Variants in DNAJC11 observed in about 807,000 individuals in gnomAD.
DNAJC11 encodes the protein DnaJ heat shock protein family (Hsp40) member C11, also known as dnaJ homolog subfamily C member 11.
In DNAJC11, 15 loss-of-function variants were observed where a neutral mutation model predicts 78.6. The ratio of observed to expected loss-of-function variants is 0.19; its 90% CI spans 0.13 to 0.29. The LOEUF is 0.29. DNAJC11 is among the 10% of genes least tolerant of loss of function. The probability of loss-of-function intolerance (pLI) is 1.00; values close to 1 mark genes in which losing one functional copy is unlikely to be tolerated. For missense variants in DNAJC11, 547 were observed against 709.6 expected, an observed-to-expected ratio of 0.77 and a Z score of 2.60; for synonymous variants, 292 against 272.1, an observed-to-expected ratio of 1.07 and a Z score of -0.72.
At chr1:6,665,876 C>G (rs1642286347) in intron 4 of DNAJC11, among the ~76,000 whole-genome samples, 1 of 152,204 alleles carries the variant, frequency 6.6e-6, no homozygotes, top group Non-Finnish European at 1.5e-5. Flanking sequence ...CCACCTCCAT[C>G]TGCCAATACC....
chr1:6,644,045 T>C lies in DNAJC11; in HGVS notation c.1097+513A>G, dbSNP rs572665183. On this transcript the variant is annotated intron_variant, in intron 10 of 15. Coordinates refer to ENST00000377577, the MANE Select transcript of DNAJC11 (RefSeq NM_018198.4). ...GCCACCACCCCTGGCTAATTTTTTG[T>C]ATTTTTAGTAGAGATGGGGTTTCAC... 2.0e-5 allele frequency among the ~76,000 whole-genome samples: 3 copies of C among 151,944 alleles called. No individual in the cohort carries two copies. The East Asian group carries it at 5.8e-4, about 30-fold the overall frequency.
At chr1:6,649,281 T>C (rs995638084) in intron 7 of DNAJC11, among the ~76,000 whole-genome samples, 1 of 151,782 alleles carries the variant, frequency 6.6e-6, no homozygotes, top group Non-Finnish European at 1.5e-5. Flanking sequence ...GCCATTCTCC[T>C]GCCTCAGCCT....
intron 1 of DNAJC11, among the ~76,000 whole-genome samples, chr1:6,697,939 C>G (rs189416847): frequency 1.6e-3 from 247 of 152,138 alleles, no homozygotes; most frequent in African/African-American, 5.7e-3. Context: ...TACAGGCGCC[C>G]GCCACCACGC....
At chr1:6,636,475 T>C (rs1641770905) in intron 14 of DNAJC11, among the ~76,000 whole-genome samples, 1 of 152,178 alleles carries the variant, frequency 6.6e-6, no homozygotes, top group Non-Finnish European at 1.5e-5. Flanking sequence ...ACTTCTAGGG[T>C]GCCAGGAACT....
At chr1:6,675,604 G>A (rs72866120) in intron 3 of DNAJC11, among the ~76,000 whole-genome samples, 1 of 152,152 alleles carries the variant, frequency 6.6e-6, no homozygotes, top group African/African-American at 2.4e-5. Flanking sequence ...TTTATCGCTT[G>A]TAGAGATGCG....
intron 1 of DNAJC11, among the ~76,000 whole-genome samples, chr1:6,699,621 A>T (rs192673844): frequency 3.9e-5 from 6 of 152,334 alleles, no homozygotes; most frequent in East Asian, 1.9e-4. Context: ...AAGAGACTTA[A>T]GGCTAAATAA....
chr1:6,688,555 A>C (rs1019767750), intron 1 of DNAJC11, among the ~76,000 whole-genome samples: 12 of 152,302 alleles, frequency 7.9e-5, no homozygotes, highest in African/African-American at 1.4e-4. Context: ...CCCACCCCCC[A>C]AAAAAACTCC....
rs112809276 is a variant in DNAJC11 at position 6,637,789 on chromosome 1, G to T, written c.1324-285C>A. 7.5e-6 allele frequency: 4 copies of T among 534,126 alleles called. No individual in the cohort carries two copies. The African/African-American group carries it at 7.6e-5, about 10-fold the overall frequency. The allele number at this position is 534,126 out of a possible 1,614,324, so 33.1% of individuals were successfully genotyped here. Reference sequence around the variant, plus strand: ...CTTTCTAGGGATCATTAATGCGTGGGTGGGATTTGTTGACCCAATAAAAAA... The same window carrying T: ...CTTTCTAGGGATCATTAATGCGTGGTTGGGATTTGTTGACCCAATAAAAAA... On this transcript the variant is annotated intron_variant, in intron 12 of 15. Coordinates refer to ENST00000377577, the MANE Select transcript of DNAJC11 (RefSeq NM_018198.4).
chr1:6,672,217 G>T (rs192026236), intron 3 of DNAJC11, among the ~76,000 whole-genome samples: 1 of 152,078 alleles, frequency 6.6e-6, no homozygotes, highest in Non-Finnish European at 1.5e-5. Flanking sequence ...AGTTTGATTC[G>T]CCATAACTTT....
intron 3 of DNAJC11, chr1:6,670,976 A>AGTG (rs1439937599): frequency 1.3e-5 from 2 of 152,220 alleles, no homozygotes; most frequent in Non-Finnish European, 2.9e-5. Context: ...TATTCCATTA[A>AGTG]GTTTGAAGAT....
Sources: allele counts gnomAD v4.1 joint callset (sites outside exome capture counted in the v4.1 genomes callset), GRCh38; gene constraint gnomAD v4.1.1; transcripts MANE v1.5; gene names NCBI Gene and HGNC (gene_info 2026-07-23, HGNC 2026-07-21).